SOX6: variants seen among roughly 807,000 people sequenced by gnomAD.
SOX6 encodes the protein SRY-box transcription factor 6.
A neutral mutation model predicts 97.8 loss-of-function variants in SOX6; 11 were observed. That is an observed-to-expected ratio of 0.11 (90% CI 0.07 to 0.19). The LOEUF is 0.19. SOX6 is among the 10% of genes least tolerant of loss of function. SOX6 has a pLI of 1.00. For missense variants in SOX6, 810 were observed against 1,039.5 expected (o/e 0.78, Z 3.04); for synonymous variants, 360 against 371.4 (o/e 0.97, Z 0.35).
At position 16,499,739 on chromosome 11, in the gene SOX6, A is replaced by G. The variant is rs567676158; in HGVS notation, n.610-23351T>C. ...AATGGATAAATTCCTCGACACATAC[A>G]CCCTCCCAACACTAAACCAGGAAGA... On this transcript the variant is annotated intron_variant and non_coding_transcript_variant, in intron 4 of 5. Transcript: ENST00000524520. Among the ~76,000 whole-genome samples, 252 of 152,208 alleles carry G rather than the reference A, an allele frequency of 1.7e-3. 2 individuals carry two copies. Among genetic ancestry groups the G allele is most frequent in the African/African-American group, 5.8e-3 (240 of 41,524 alleles).
intron 4 of SOX6, among the ~76,000 whole-genome samples, chr11:16,535,626 C>T (rs968070613): frequency 1.3e-5 from 2 of 151,954 alleles, no homozygotes; most frequent in East Asian, 1.9e-4. Flanking sequence ...GATCCAAGAT[C>T]GCAACACTGC....
intron 4 of SOX6, among the ~76,000 whole-genome samples, chr11:16,550,902 C>T (rs1847678240): frequency 6.6e-6 from 1 of 151,894 alleles, no homozygotes; most frequent in African/African-American, 2.4e-5. Flanking sequence ...GTAGATGAAA[C>T]AAATAGGAAA....
chr11:16,591,324 TA>T (rs1286621632), intron 4 of SOX6, among the ~76,000 whole-genome samples: 2 of 73,346 alleles, frequency 2.7e-5, no homozygotes, highest in Admixed American at 1.4e-4. Flanking sequence ...GATACATAGA[TA>T]GATAGATAGA....
At chr11:16,453,647 A>G (rs1859759474) in intron 1 of SOX6, among the ~76,000 whole-genome samples, 1 of 152,156 alleles carries the variant, frequency 6.6e-6, no homozygotes. Flanking sequence ...ACTAGTTGTG[A>G]ATCATATATA....
intron 2 of SOX6, among the ~76,000 whole-genome samples, chr11:16,723,518 G>A (rs1848282859): frequency 6.6e-6 from 1 of 151,904 alleles, no homozygotes; most frequent in Non-Finnish European, 1.5e-5. Context: ...ACTGAGAAAA[G>A]TCCATCTACA....
At chr11:16,008,604 A>G (rs79861096) in intron 13 of SOX6, among the ~76,000 whole-genome samples, 237 of 152,194 alleles carry the variant, frequency 1.6e-3, no homozygotes, top group African/African-American at 5.5e-3. Flanking sequence ...ACATTTCACT[A>G]TCTTGCCCCA....
At chr11:16,154,114 C>T (rs924129697) in intron 6 of SOX6, among the ~76,000 whole-genome samples, 7 of 152,076 alleles carry the variant, frequency 4.6e-5, no homozygotes, top group African/African-American at 1.7e-4. Context: ...TACCTGTTTC[C>T]TATGTTTTGA....
At chr11:16,495,150 T>C (rs11023965) in intron 4 of SOX6, among the ~76,000 whole-genome samples, 25,404 of 152,004 alleles carry the variant, frequency 0.17, 2,619 homozygotes, top group Admixed American at 0.3. Flanking sequence ...AGCAGGGCCA[T>C]AGTTCATTTA....
chr11:16,366,503 A>T (rs538622850), intron 1 of SOX6, among the ~76,000 whole-genome samples: 1 of 152,258 alleles, frequency 6.6e-6, no homozygotes, highest in East Asian at 1.9e-4. Flanking sequence ...ATGATAACAG[A>T]TATTGAGAAA....
chr11:16,035,388 T>C (rs1186887414), intron 12 of SOX6, among the ~76,000 whole-genome samples: 1 of 152,220 alleles, frequency 6.6e-6, no homozygotes, highest in African/African-American at 2.4e-5. Flanking sequence ...TTCCACTTCT[T>C]AGGATGTTTG....
chr11:16,318,448 T>G lies in SOX6; in HGVS notation c.443A>C (p.Glu148Ala). The G allele has an allele frequency of 6.2e-7, 1 of 1,612,346 alleles. No homozygotes were observed. The highest frequency in any genetic ancestry group is 2.2e-5 in the East Asian group (1 of 44,782). Reference protein sequence around the residue: ...KLEEMTRTEQEDSSCMEKLLS... With the variant: ...KLEEMTRTEQADSSCMEKLLS... ...CCAACAGTGAAGTCCACACATACCC[T>G]CTTGTTCAGTCCGAGTCATTTCCTC... The change falls in exon 3 of 16, where the codon GAG becomes GCG. Residue 148 changes from glutamate (E) to alanine (A), a missense_variant and splice_region_variant. Physicochemically the swap from Glu to Ala is moderately radical, Grantham distance 107. This residue lies in a region of SOX6 where 110 missense variants were observed against 119.0 expected (regional missense o/e 0.92). Coordinates refer to ENST00000683767, the MANE Select transcript of SOX6 (RefSeq NM_001367873.1).
intron 3 of SOX6, among the ~76,000 whole-genome samples, chr11:16,633,065 C>T (rs1488245195): frequency 6.6e-6 from 1 of 152,146 alleles, no homozygotes; most frequent in Non-Finnish European, 1.5e-5. Context: ...GATCTCTGCA[C>T]AGGAAAGCTG....
intron 4 of SOX6, among the ~76,000 whole-genome samples, chr11:16,518,098 A>T (rs1861002225): frequency 6.6e-6 from 1 of 152,172 alleles, no homozygotes; most frequent in Non-Finnish European, 1.5e-5. Flanking sequence ...TTGGCTCCAC[A>T]GCAGTCCTAC....
At chr11:16,701,311 T>C (rs570062991) in intron 3 of SOX6, among the ~76,000 whole-genome samples, 1 of 152,320 alleles carries the variant, frequency 6.6e-6, no homozygotes, top group East Asian at 1.9e-4. Flanking sequence ...ATCTGTTTCC[T>C]ACGTAAAATG....
At chr11:16,686,428 T>C (rs1433366046) in intron 3 of SOX6, among the ~76,000 whole-genome samples, 2 of 152,200 alleles carry the variant, frequency 1.3e-5, no homozygotes, top group Non-Finnish European at 2.9e-5. Flanking sequence ...CAGATACCCC[T>C]ATGTCATCAC....
intron 13 of SOX6, among the ~76,000 whole-genome samples, chr11:15,997,334 G>A (rs1235753435): frequency 2.6e-5 from 4 of 152,154 alleles, no homozygotes; most frequent in African/African-American, 9.7e-5. Flanking sequence ...TTGCGTAAAG[G>A]TATGAAAGTA....
intron 7 of SOX6, among the ~76,000 whole-genome samples, chr11:16,111,459 T>C (rs1356414381): frequency 2.0e-5 from 3 of 152,134 alleles, no homozygotes; most frequent in Admixed American, 6.6e-5. Context: ...TTCCAGAATA[T>C]AACAGCTCTC....
intron 13 of SOX6, among the ~76,000 whole-genome samples, chr11:16,004,665 CT>C (rs1275992235): frequency 6.6e-6 from 1 of 151,966 alleles, no homozygotes; most frequent in African/African-American, 2.4e-5. Flanking sequence ...ATTAAAAACA[CT>C]TTCACAGTTT....
chr11:16,055,727 C>A (rs772971633), intron 10 of SOX6, 25 bp downstream of exon 10: 4 of 1,613,356 alleles, frequency 2.5e-6, no homozygotes, highest in Non-Finnish European at 3.4e-6. Flanking sequence ...TAAACTGTTT[C>A]CACAATGCTG....
Sources: gnomAD v4.1 joint callset for allele counts (sites outside exome capture counted in the v4.1 genomes callset) on GRCh38, gnomAD v4.1.1 for gene constraint, gnomAD v4.1.1 regional missense constraint, MANE v1.5 for transcripts, NCBI Gene and HGNC (gene_info 2026-07-23, HGNC 2026-07-21) for gene names.